Variants in MYRF observed in about 807,000 individuals in gnomAD.
MYRF encodes the protein myelin regulatory factor, also known as myelin gene regulatory factor.
A neutral mutation model predicts 126.3 loss-of-function variants in MYRF; 16 were observed. That is an observed-to-expected ratio of 0.13 (90% CI 0.09 to 0.19). The LOEUF is 0.19. Ranked by LOEUF, MYRF falls within the 10% of genes least tolerant of loss-of-function variation. The pLI, the probability that MYRF is intolerant of heterozygous loss-of-function variation, is 1.00. For synonymous variants in MYRF, 608 were observed against 635.3 expected, an observed-to-expected ratio of 0.96 and a Z score of 0.65; for missense variants, 1,104 against 1,547.0, an observed-to-expected ratio of 0.71 and a Z score of 4.80.
rs1295296530 is a variant in MYRF at position 61,777,837 on chromosome 11, C to A, written c.1895C>A (p.Pro632Gln). ...AGCGCGGGCATCGAGGCCACCGCGCCAGAGACAGGTAGGGACCGGGCTGGT... is the reference window on the plus strand; with the variant it reads ...AGCGCGGGCATCGAGGCCACCGCGCAAGAGACAGGTAGGGACCGGGCTGGT... The part of the protein sequence containing the change: ...AASAGIEATA[P>Q]ETGVIAQEVK... Residue 632 changes from proline (P) to glutamine (Q), a missense_variant, in exon 13 of 27, where the codon CCA (proline) becomes CAA (glutamine). Transcript: ENST00000278836. This position sits in a 1 kb window ranked among gnomAD's most constrained non-coding sequence, Gnocchi z 8.8. 1.3e-6 allele frequency: 2 copies of A among 1,552,002 alleles called. No homozygotes were observed. The highest frequency in any genetic ancestry group is 3.9e-5 in the Admixed American group (2 of 51,176).
rs1376951012 is a variant in MYRF, at chr11:61,757,744, C to T, written c.46+4954C>T. 4 of 348,610 alleles carry T rather than the reference C, an allele frequency of 1.1e-5. No individual in the cohort carries two copies. The highest frequency in any genetic ancestry group is 7.6e-5 in the Admixed American group (2 of 26,444). 21.6% of individuals were successfully genotyped at this position (348,610 alleles called of 1,614,324 possible). On this transcript the variant is annotated intron_variant, in intron 1 of 26. Coordinates refer to ENST00000278836, the MANE Select transcript of MYRF (RefSeq NM_001127392.3). This position sits in a 1 kb window ranked among gnomAD's most constrained non-coding sequence, Gnocchi z 4.7. ...ATCTGCTGCACCCAGGCTCTTTGCA[C>T]GTTGTCTTCCTGGAGTCCTGGGGTG... is the stretch of plus-strand genomic sequence containing the variant.
intron 5 of MYRF, among the ~76,000 whole-genome samples, chr11:61,771,170 A>G (rs1315946285): frequency 6.6e-6 from 1 of 152,130 alleles, no homozygotes; most frequent in East Asian, 1.9e-4. Context: ...TGAGTGTGAC[A>G]CTGCAGGCAG....
intron 4 of MYRF, among the ~76,000 whole-genome samples, chr11:61,769,550 G>A (rs946184148): frequency 6.6e-6 from 1 of 152,174 alleles, no homozygotes; most frequent in Non-Finnish European, 1.5e-5. Context: ...CCGCCTGCCC[G>A]CCTGCGCCAT....
chr11:61,777,882 C>A lies in MYRF; in HGVS notation c.1903+37C>A. 1.3e-6 allele frequency: 2 copies of A among 1,513,330 alleles called. No homozygotes were observed. Among genetic ancestry groups the A allele is most frequent in the Non-Finnish European group, 1.8e-6 (2 of 1,114,084 alleles). The allele number at this position is 1,513,330 out of a possible 1,614,324, so 93.7% of individuals were successfully genotyped here. ...GCTGGTGCGGACTGGGGTCCGGAAA[C>A]CCAGAAACCTCGGGCCTCAGTGACC... On this transcript the variant is annotated intron_variant, in intron 13 of 26. Transcript: ENST00000278836. The surrounding 1 kb of genome is among the most constrained non-coding windows in gnomAD (Gnocchi z 8.8).
rs1166350788 is a variant in MYRF at position 61,771,556 on chromosome 11, T to A, written c.797T>A (p.Leu266His). 11 of 1,613,586 alleles carry A rather than the reference T, an allele frequency of 6.8e-6. No individual in the cohort carries two copies. Among genetic ancestry groups the A allele is most frequent in the Non-Finnish European group, 9.3e-6 (11 of 1,179,880 alleles). The change falls in exon 6 of 27, where the codon CTC becomes CAC. Residue 266 changes from leucine to histidine, a missense_variant. Leu to His is a moderately conservative substitution (Grantham distance 99, BLOSUM62 -3). This residue lies in a region of MYRF where 368 missense variants were observed against 403.9 expected (regional missense o/e 0.91). Transcript: ENST00000278836. The stretch of plus-strand genomic sequence containing the variant: ...CACTCTGAATCCCCCCCCAGCACCC[T>A]CAATGCCCAGATGCTGAATGGAATG... ...RKHSESPPST[L>H]NAQMLNGMIK...
At chr11:61,764,223 C>A (rs2065985581) in intron 1 of MYRF, among the ~76,000 whole-genome samples, 1 of 152,196 alleles carries the variant, frequency 6.6e-6, no homozygotes, top group Non-Finnish European at 1.5e-5. Context: ...CGGGGCTCAG[C>A]ATTCTTGAAA....
At chr11:61,755,367 C>T (rs1268969778) in intron 1 of MYRF, 12 of 1,605,706 alleles carry the variant, frequency 7.5e-6, no homozygotes, top group Non-Finnish European at 9.3e-6. Flanking sequence ...TAGAGAGAGG[C>T]AAGGCAGCCC....
intron 25 of MYRF, chr11:61,785,407 A>C: frequency 5.4e-6 from 1 of 184,110 alleles, no homozygotes; most frequent in Non-Finnish European, 1.1e-5. Context: ...ACACTGTGTG[A>C]TTTTTAGGAA....
intron 7 of MYRF, among the ~76,000 whole-genome samples, chr11:61,773,236 C>T (rs1251878731): frequency 6.6e-6 from 1 of 152,166 alleles, no homozygotes; most frequent in Non-Finnish European, 1.5e-5. Context: ...GATCTGCCTG[C>T]CTTGGCCTCC....
At chr11:61,775,336 T>A (rs2066346686) in intron 8 of MYRF, among the ~76,000 whole-genome samples, 1 of 151,758 alleles carries the variant, frequency 6.6e-6, no homozygotes, top group Non-Finnish European at 1.5e-5. Context: ...GCCCCCGCCC[T>A]CCACCCTGTG....
chr11:61,776,285 C>T lies in MYRF; in HGVS notation c.1389-37C>T. 1 of 1,589,584 alleles carries T rather than the reference C, an allele frequency of 6.3e-7. No homozygotes were observed. Among genetic ancestry groups the T allele is most frequent in the Non-Finnish European group, 8.6e-7 (1 of 1,163,928 alleles). On this transcript the variant is annotated intron_variant, in intron 9 of 26. Coordinates refer to ENST00000278836, the MANE Select transcript of MYRF (RefSeq NM_001127392.3). This position sits in a 1 kb window ranked among gnomAD's most constrained non-coding sequence, Gnocchi z 4.3. ...CAGTGGCGTGGCTCTTGCAGCCTCC[C>T]TCCCTGCCCCCTGAGCACCCTGCCT...
At chr11:61,760,462 C>T (rs933359570) in intron 1 of MYRF, among the ~76,000 whole-genome samples, 7 of 152,224 alleles carry the variant, frequency 4.6e-5, no homozygotes, top group African/African-American at 1.2e-4. Flanking sequence ...TGGCTGGGGC[C>T]GAGGCCCGGA....
At position 61,776,834 on chromosome 11, in the gene MYRF, A is replaced by C. The variant is rs1213572017; in HGVS notation, c.1547A>C (p.Asn516Thr). Residue 516 changes from asparagine (N) to threonine (T), a missense_variant, in exon 11 of 27, where the codon AAC becomes ACC. By Grantham distance (65) the Asn-to-Thr change is moderately conservative. This residue lies in a region of MYRF where 48 missense variants were observed against 148.2 expected (regional missense o/e 0.32). Transcript: ENST00000278836. The surrounding 1 kb of genome is among the most constrained non-coding windows in gnomAD (Gnocchi z 4.3). ...CTCCAGGCTCATGCACAGAACCAGA[A>C]CTACACGCTGGCCGCCCAGATCTCA... ...VALQAHAQNQ[N>T]YTLAAQISER... 6.2e-7 allele frequency: 1 copy of C among 1,608,684 alleles called. No homozygotes were observed. The highest frequency in any genetic ancestry group is 8.5e-7 in the Non-Finnish European group (1 of 1,177,958).
Position 61,776,709 on chromosome 11 carries a change from A to T in MYRF, c.1500-78A>T. The stretch of plus-strand genomic sequence containing the variant: ...CTCTGTAGGAGGGGGTGAGATGAAC[A>T]TGCATCTGGCCAGGGAAAGGGTGGC... On this transcript the variant is annotated intron_variant, in intron 10 of 26. Coordinates refer to ENST00000278836, the MANE Select transcript of MYRF (RefSeq NM_001127392.3). This position sits in a 1 kb window ranked among gnomAD's most constrained non-coding sequence, Gnocchi z 4.3. 1 of 1,154,536 alleles carries T rather than the reference A, an allele frequency of 8.7e-7. No homozygotes were observed. Among genetic ancestry groups the T allele is most frequent in the Non-Finnish European group, 1.2e-6 (1 of 812,856 alleles). The allele number at this position is 1,154,536 out of a possible 1,614,324, so 71.5% of individuals were successfully genotyped here. A position where few individuals can be genotyped will look rare whatever the true frequency, so the allele number is the denominator to read the frequency against.
chr11:61,775,313 T>C (rs1266643282), intron 8 of MYRF, among the ~76,000 whole-genome samples: 1 of 152,006 alleles, frequency 6.6e-6, no homozygotes, highest in Non-Finnish European at 1.5e-5. Flanking sequence ...CTGCCACTTG[T>C]GGTACCATCG....
At position 61,765,659 on chromosome 11, in the gene MYRF, C is replaced by T. The variant is rs990064170; in HGVS notation, c.81C>T (p.Asn27=). ...TCAACGGTGCCCTGGAGCCCTCCAA[C>T]ATAGACACCAGCATCCTGGAGGAGT... The part of the protein sequence containing the change: ...HDINGALEPS[N]IDTSILEEYI... The change falls in exon 2 of 27, where the codon AAC becomes AAT. Residue 27 remains asparagine (N), a synonymous_variant. Coordinates refer to ENST00000278836, the MANE Select transcript of MYRF (RefSeq NM_001127392.3). 1.2e-6 allele frequency: 2 copies of T among 1,613,154 alleles called. No homozygotes were observed. Among genetic ancestry groups the T allele is most frequent in the Admixed American group, 3.3e-5 (2 of 59,998 alleles).
intron 1 of MYRF, among the ~76,000 whole-genome samples, chr11:61,761,581 G>GC (rs996382468): frequency 2.0e-5 from 3 of 152,208 alleles, no homozygotes; most frequent in African/African-American, 7.2e-5. Context: ...ACCTGGAGGG[G>GC]CCCCAGGTAG....
chr11:61,776,325 C>A lies in MYRF; in HGVS notation c.1392C>A (p.Val464=). 1 of 1,612,090 alleles carries A rather than the reference C, an allele frequency of 6.2e-7. No individual in the cohort carries two copies. The highest frequency in any genetic ancestry group is 1.1e-5 in the South Asian group (1 of 90,800). Residue 464 remains valine, a synonymous_variant, in exon 10 of 27, where the codon GTC becomes GTA. Coordinates refer to ENST00000278836, the MANE Select transcript of MYRF (RefSeq NM_001127392.3). This position sits in a 1 kb window ranked among gnomAD's most constrained non-coding sequence, Gnocchi z 4.3. ...RSKRPFNPVT[V]NLPPEQVTKV... is the part of the protein sequence containing the mutation. ...GCACCCTGCCTCTCCTCTGCAGGGTCAATCTGCCCCCTGAGCAGGTCACGA... is the reference window on the plus strand; with the variant it reads ...GCACCCTGCCTCTCCTCTGCAGGGTAAATCTGCCCCCTGAGCAGGTCACGA...
At chr11:61,767,813 C>CAAAAAA (rs35214869) in intron 3 of MYRF, among the ~76,000 whole-genome samples, 1 of 64,924 alleles carries the variant, frequency 1.5e-5, no homozygotes, top group Non-Finnish European at 2.8e-5. Context: ...GACCCTGTCT[C>CAAAAAA]AAAAAAAAAA....
Sources: allele counts gnomAD v4.1 joint callset (sites outside exome capture counted in the v4.1 genomes callset), GRCh38; gene constraint gnomAD v4.1.1; regional missense constraint gnomAD v4.1.1; non-coding constraint Gnocchi (gnomAD v3.1); transcripts MANE v1.5; gene names NCBI Gene and HGNC (gene_info 2026-07-23, HGNC 2026-07-21).